Variants in SGPP2 observed in about 807,000 individuals in gnomAD.
The protein encoded by SGPP2 is sphingosine 1-phosphate phosphohydrolase 2.
A neutral mutation model predicts 33.9 loss-of-function variants in SGPP2; 30 were observed. The observed-to-expected ratio is 0.89, with a 90% CI of 0.66 to 1.20. SGPP2 has a LOEUF of 1.20. Ranked by LOEUF, SGPP2 falls within the 50% of genes most tolerant of loss-of-function variation. The probability of loss-of-function intolerance (pLI) is 0.00; values close to 1 mark genes in which losing one functional copy is unlikely to be tolerated. For synonymous variants in SGPP2, 233 were observed against 225.0 expected, an observed-to-expected ratio of 1.04 and a Z score of -0.32; for missense variants, 458 against 532.1, an observed-to-expected ratio of 0.86 and a Z score of 1.37.
chr2:222,503,558 A>C (rs1216702535), intron 2 of SGPP2, among the ~76,000 whole-genome samples: 2 of 152,158 alleles, frequency 1.3e-5, no homozygotes, highest in Non-Finnish European at 2.9e-5. Flanking sequence ...ACAGGCCATC[A>C]TGCTTTTTTT....
Position 222,426,209 on chromosome 2 carries a change from CAAA to C in SGPP2, c.219+1411_219+1413del, listed in dbSNP as rs59881994. 7.3e-3 allele frequency among the ~76,000 whole-genome samples: 426 copies of C among 58,716 alleles called. 1 individual carries two copies. The highest frequency in any genetic ancestry group is 0.024 in the African/African-American group (380 of 15,546). 38.5% of individuals were successfully genotyped at this position (58,716 alleles called of 152,430 possible). On this transcript the variant is annotated intron_variant, in intron 1 of 4. Transcript: ENST00000321276. The stretch of plus-strand genomic sequence containing the variant: ...AGGGCGACTGAGCGAGACTCCGTCT[CAAA>C]AAAAAAAAAAAAAAAAAAAAAAGAC...
chr2:222,424,480 G>A (rs967569195), upstream of SGPP2: 5 of 556,528 alleles, frequency 9.0e-6, no homozygotes, highest in Non-Finnish European at 1.2e-5. Context: ...TGGGCCCGGG[G>A]CCCCGCCCGC....
At chr2:222,466,678 GT>G (rs369207653) in intron 1 of SGPP2, among the ~76,000 whole-genome samples, 5 of 151,550 alleles carry the variant, frequency 3.3e-5, no homozygotes, top group Admixed American at 6.6e-5. Flanking sequence ...CATGGTTTGG[GT>G]TTTTTTTTGG....
chr2:222,519,667 C>T (rs1396254733), intron 2 of SGPP2, among the ~76,000 whole-genome samples: 1 of 152,194 alleles, frequency 6.6e-6, no homozygotes, highest in Admixed American at 6.5e-5. Context: ...TTTCAACCTA[C>T]TCCCTCCCCG....
At chr2:222,475,402 A>AC (rs1697918420) in intron 2 of SGPP2, among the ~76,000 whole-genome samples, 1 of 122,824 alleles carries the variant, frequency 8.1e-6, no homozygotes, top group African/African-American at 4.1e-5. Flanking sequence ...ATAAGTGATG[A>AC]CCAGAGAAGA....
At chr2:222,429,426 C>G (rs1697119600) in intron 1 of SGPP2, among the ~76,000 whole-genome samples, 1 of 152,214 alleles carries the variant, frequency 6.6e-6, no homozygotes, top group African/African-American at 2.4e-5. Context: ...ATGCTTACAT[C>G]TGAAATGACA....
At chr2:222,440,147 G>C (rs1697302645) in intron 1 of SGPP2, among the ~76,000 whole-genome samples, 1 of 152,166 alleles carries the variant, frequency 6.6e-6, no homozygotes, top group African/African-American at 2.4e-5. Context: ...ATAGCATTTG[G>C]GAGAAGGTGG....
chr2:222,476,509 G>A lies in SGPP2; in HGVS notation c.378+1783G>A, dbSNP rs1214472249. Among the ~76,000 whole-genome samples, 3 of 152,084 alleles carry A rather than the reference G, an allele frequency of 2.0e-5. No homozygotes were observed. The highest frequency in any genetic ancestry group is 4.4e-5 in the Non-Finnish European group (3 of 68,016). ...GCATCTTGCAAATCATAAAGAGAAC[G>A]TTAGTCCAGTTGTCCCTCCCCGTTT... On this transcript the variant is annotated intron_variant, in intron 2 of 4. Coordinates refer to ENST00000321276, the MANE Select transcript of SGPP2 (RefSeq NM_152386.4). This position sits in a 1 kb window ranked among gnomAD's most constrained non-coding sequence, Gnocchi z 4.3.
rs61253653 is a variant in SGPP2, at chr2:222,467,950, GAAAAAAAAAAAAAAAAA to G, written c.220-6596_220-6580del. ...AAATGTATATTTAAAGCTCTAATCT[GAAAAAAAAAAAAAAAAA>G]AAAAAAAAAAAAAAAAAAAAACAGA... On this transcript the variant is annotated intron_variant, in intron 1 of 4. Coordinates refer to ENST00000321276, the MANE Select transcript of SGPP2 (RefSeq NM_152386.4). 1.2e-3 allele frequency among the ~76,000 whole-genome samples: 29 copies of G among 24,870 alleles called. 1 individual carries two copies. The highest frequency in any genetic ancestry group is 5.7e-3 in the South Asian group (3 of 524). 16.3% of individuals were successfully genotyped at this position (24,870 alleles called of 152,430 possible).
intron 4 of SGPP2, among the ~76,000 whole-genome samples, chr2:222,553,443 T>C (rs537882068): frequency 6.6e-6 from 1 of 152,342 alleles, no homozygotes; most frequent in East Asian, 1.9e-4. Context: ...GAAACCCATG[T>C]CATAGAAGAC....
chr2:222,561,766 T>C lies in SGPP2; in HGVS notation c.*2868T>C, dbSNP rs1429448797. Among the ~76,000 whole-genome samples the C allele has an allele frequency of 6.6e-6, 1 of 152,016 alleles. No individual in the cohort carries two copies. The highest frequency in any genetic ancestry group is 1.5e-5 in the Non-Finnish European group (1 of 68,022). On this transcript the variant is annotated 3_prime_UTR_variant, in exon 5 of 5. Coordinates refer to ENST00000321276, the MANE Select transcript of SGPP2 (RefSeq NM_152386.4). Reference sequence around the variant, plus strand: ...GCAACTGGAGAATGAAAAGTGTATATTGGTGACGCCAACCTCAGTTTCTGA... The same window carrying C: ...GCAACTGGAGAATGAAAAGTGTATACTGGTGACGCCAACCTCAGTTTCTGA...
intron 1 of SGPP2, among the ~76,000 whole-genome samples, chr2:222,440,343 T>C (rs1697305951): frequency 1.6e-5 from 1 of 61,628 alleles, no homozygotes; most frequent in Non-Finnish European, 3.5e-5. Context: ...TGTTTTTGTT[T>C]TTGTTTTTGT....
rs184763752 is a variant in SGPP2, at chr2:222,516,970, A to G, written c.379-4797A>G. On this transcript the variant is annotated intron_variant, in intron 2 of 4. Transcript: ENST00000321276. ...AGGAAATGAGAAACTTAGCCCTTCT[A>G]GTGGATGTGTAGCAGTGTGCCTCAC... 3.9e-3 allele frequency among the ~76,000 whole-genome samples: 589 copies of G among 152,294 alleles called. 5 individuals carry two copies. The highest frequency in any genetic ancestry group is 0.013 in the African/African-American group (553 of 41,562).
At chr2:222,445,976 A>C (rs1158899138) in intron 1 of SGPP2, among the ~76,000 whole-genome samples, 1 of 152,232 alleles carries the variant, frequency 6.6e-6, no homozygotes, top group Non-Finnish European at 1.5e-5. Context: ...ACTACAGAGC[A>C]AAGAACTAGA....
rs371791428 is a variant in SGPP2, at chr2:222,465,183, C to T, written c.220-9385C>T. Among the ~76,000 whole-genome samples, 8 of 152,108 alleles carry T rather than the reference C, an allele frequency of 5.3e-5. No homozygotes were observed. The South Asian group carries it at 6.2e-4, about 12-fold the overall frequency. On this transcript the variant is annotated intron_variant, in intron 1 of 4. Transcript: ENST00000321276. This position sits in a 1 kb window ranked among gnomAD's most constrained non-coding sequence, Gnocchi z 4.1. The stretch of plus-strand genomic sequence containing the variant: ...TCTCAAGCTGACTCCAATAAGTTGT[C>T]CTTACATTTTATTGACTTTCAGTCT...
At chr2:222,549,840 G>A (rs1047893686) in intron 4 of SGPP2, among the ~76,000 whole-genome samples, 1 of 151,618 alleles carries the variant, frequency 6.6e-6, no homozygotes, top group Non-Finnish European at 1.5e-5. Flanking sequence ...CATAGGGTAA[G>A]GCTGGAAACA....
chr2:222,525,188 TG>T (rs1425556096), intron 4 of SGPP2, among the ~76,000 whole-genome samples, 155 bp downstream of exon 4: 3 of 152,198 alleles, frequency 2.0e-5, no homozygotes, highest in Non-Finnish European at 4.4e-5. Flanking sequence ...TATGTTCGGG[TG>T]CATGTATGAT....
chr2:222,455,291 G>A (rs376945665), intron 1 of SGPP2, among the ~76,000 whole-genome samples: 5 of 152,274 alleles, frequency 3.3e-5, no homozygotes, highest in East Asian at 3.9e-4. Flanking sequence ...GTTATGATGT[G>A]GAGCCAGGGA....
intron 4 of SGPP2, among the ~76,000 whole-genome samples, chr2:222,553,617 C>G (rs542489874): frequency 6.6e-6 from 1 of 152,180 alleles, no homozygotes; most frequent in African/African-American, 2.4e-5. Flanking sequence ...AATTTGAGAA[C>G]GTTTCCCATT....
Sources: allele counts gnomAD v4.1 joint callset (sites outside exome capture counted in the v4.1 genomes callset), GRCh38; gene constraint gnomAD v4.1.1; non-coding constraint Gnocchi (gnomAD v3.1); transcripts MANE v1.5; gene names NCBI Gene and HGNC (gene_info 2026-07-23, HGNC 2026-07-21).